PRICKLE2: variants seen among roughly 807,000 people sequenced by gnomAD.
PRICKLE2 encodes the protein prickle-like protein 2.
A neutral mutation model predicts 81.4 loss-of-function variants in PRICKLE2; 21 were observed. The observed-to-expected ratio is 0.26, with a 90% CI of 0.18 to 0.37. PRICKLE2 has a LOEUF of 0.37. Ranked by LOEUF, PRICKLE2 falls within the 10% of genes least tolerant of loss-of-function variation. The pLI, the probability that PRICKLE2 is intolerant of heterozygous loss-of-function variation, is 1.00. For missense variants in PRICKLE2, 940 were observed against 1,109.0 expected (o/e 0.85, Z 2.16); for synonymous variants, 456 against 421.5 (o/e 1.08, Z -1.00).
intron 2 of PRICKLE2, among the ~76,000 whole-genome samples, chr3:64,170,484 G>T (rs73124864): frequency 0.18 from 26,971 of 151,956 alleles, 2,687 homozygotes; most frequent in Non-Finnish European, 0.21. Flanking sequence ...TTTCACCTTT[G>T]TGCCTCTGCA....
At chr3:64,238,748 A>G (rs879865707) in intron 2 of PRICKLE2, among the ~76,000 whole-genome samples, 1 of 152,144 alleles carries the variant, frequency 6.6e-6, no homozygotes, top group Non-Finnish European at 1.5e-5. Flanking sequence ...TCATCTAAGA[A>G]TCTCTGCCAC....
rs1426944729 is a variant in PRICKLE2 at position 64,147,886 on chromosome 3, T to C, written c.788-184A>G. On this transcript the variant is annotated intron_variant, in intron 6 of 7. Coordinates refer to ENST00000638394, the MANE Select transcript of PRICKLE2 (RefSeq NM_198859.4). This position sits in a 1 kb window ranked among gnomAD's most constrained non-coding sequence, Gnocchi z 5.0. ...GTCCTATTACGAGAAGTCCTTGTTG[T>C]ACCAGTATGCGCCTTAACTCATTTG... is the stretch of plus-strand genomic sequence containing the variant. Among the ~76,000 whole-genome samples, 1 of 152,208 alleles carries C rather than the reference T, an allele frequency of 6.6e-6. No homozygotes were observed. Among genetic ancestry groups the C allele is most frequent in the African/African-American group, 2.4e-5 (1 of 41,452 alleles).
At chr3:64,256,847 C>G (rs1575721534) in intron 2 of PRICKLE2, among the ~76,000 whole-genome samples, 1 of 152,268 alleles carries the variant, frequency 6.6e-6, no homozygotes, top group Non-Finnish European at 1.5e-5. Context: ...TGTCTCCCTC[C>G]CTATCCCATC....
chr3:64,190,950 C>A (rs1334570627), intron 2 of PRICKLE2, among the ~76,000 whole-genome samples: 1 of 152,116 alleles, frequency 6.6e-6, no homozygotes, highest in Non-Finnish European at 1.5e-5. Flanking sequence ...AGTACTTCAG[C>A]AGATAATCCC....
rs35195442 is a variant in PRICKLE2 at position 64,098,471 on chromosome 3, GA to G, written c.*579del. On this transcript the variant is annotated 3_prime_UTR_variant, in exon 8 of 8. Transcript: ENST00000638394. ...CACTGACATGTAACAAATTTGTATA[GA>G]AAAAAAAAAAAAAAAAAAAAAGGTG... 48,225 of 79,490 alleles carry G rather than the reference GA, an allele frequency of 0.61. 12,023 individuals are homozygous for G. The highest frequency in any genetic ancestry group is 0.71 in the South Asian group (1,336 of 1,894). The allele number at this position is 79,490 out of a possible 1,614,324, so 4.9% of individuals were successfully genotyped here. A position where few individuals can be genotyped will look rare whatever the true frequency, so the allele number is the denominator to read the frequency against.
chr3:64,121,521 A>T (rs1265643903), intron 7 of PRICKLE2, among the ~76,000 whole-genome samples: 2 of 137,868 alleles, frequency 1.5e-5, no homozygotes, highest in African/African-American at 5.1e-5. Context: ...TGTTCAGCCA[A>T]ACTGGAGCCT....
At chr3:64,151,999 G>C (rs1447598961) in intron 6 of PRICKLE2, among the ~76,000 whole-genome samples, 1 of 152,182 alleles carries the variant, frequency 6.6e-6, no homozygotes, top group Admixed American at 6.5e-5. Flanking sequence ...GGACAAGAAT[G>C]CCCAATGACA....
At chr3:64,179,262 G>A (rs1051092601) in intron 2 of PRICKLE2, among the ~76,000 whole-genome samples, 2 of 151,932 alleles carry the variant, frequency 1.3e-5, no homozygotes, top group African/African-American at 4.8e-5. Flanking sequence ...TTTTAGTAGA[G>A]ATGGGGTTTC....
intron 2 of PRICKLE2, among the ~76,000 whole-genome samples, chr3:64,240,896 A>AG (rs2107170869): frequency 6.6e-6 from 1 of 152,272 alleles, no homozygotes; most frequent in Admixed American, 6.5e-5. Context: ...GGCCAAGAAG[A>AG]GGAAGGGGTG....
intron 7 of PRICKLE2, among the ~76,000 whole-genome samples, chr3:64,145,033 A>AT (rs77446098): frequency 1.3e-5 from 2 of 151,372 alleles, no homozygotes; most frequent in Admixed American, 6.6e-5. Flanking sequence ...ACGTTACTCT[A>AT]TTTTTTCCCA....
At chr3:64,148,452 C>G (rs966558827) in intron 6 of PRICKLE2, among the ~76,000 whole-genome samples, 1 of 152,324 alleles carries the variant, frequency 6.6e-6, no homozygotes, top group Admixed American at 6.5e-5. Context: ...TACAGCATCT[C>G]CAGGACCTGG....
intron 2 of PRICKLE2, among the ~76,000 whole-genome samples, chr3:64,193,300 C>T (rs1559568657): frequency 6.6e-6 from 1 of 152,066 alleles, no homozygotes; most frequent in African/African-American, 2.4e-5. Flanking sequence ...TCATCTGGTA[C>T]TTTTTGGGAT....
chr3:64,175,845 T>C (rs958620686), intron 2 of PRICKLE2, among the ~76,000 whole-genome samples: 7 of 152,356 alleles, frequency 4.6e-5, no homozygotes, highest in African/African-American at 1.7e-4. Flanking sequence ...ATTAGTTTTA[T>C]TATTATTAAA....
intron 7 of PRICKLE2, among the ~76,000 whole-genome samples, chr3:64,126,632 C>T (rs1436434187): frequency 6.6e-6 from 1 of 152,062 alleles, no homozygotes; most frequent in Non-Finnish European, 1.5e-5. Context: ...GGCTGGAGTG[C>T]AGTTGCATGA....
At chr3:64,238,561 G>A (rs1186668717) in intron 2 of PRICKLE2, among the ~76,000 whole-genome samples, 1 of 152,006 alleles carries the variant, frequency 6.6e-6, no homozygotes, top group East Asian at 1.9e-4. Flanking sequence ...CTAACATGTA[G>A]GGGTCTGAAT....
In PRICKLE2 at chr3:64,097,368, C is replaced by G. The variant is rs776515359; in HGVS notation, c.*1683G>C. The G allele has an allele frequency of 6.6e-6, 1 of 152,458 alleles. No individual in the cohort carries two copies. Among genetic ancestry groups the G allele is most frequent in the South Asian group, 2.1e-4 (1 of 4,804 alleles). 9.4% of individuals were successfully genotyped at this position (152,458 alleles called of 1,614,324 possible). A position where few individuals can be genotyped will look rare whatever the true frequency, so the allele number is the denominator to read the frequency against. ...TAACTACTATACTGAAAAGAGATCA[C>G]GCTCACCTCACCATGGCAGATGGCC... is the stretch of plus-strand genomic sequence containing the variant. On this transcript the variant is annotated 3_prime_UTR_variant, in exon 8 of 8. Transcript: ENST00000638394.
rs565680348 is a variant in PRICKLE2 at position 64,120,146 on chromosome 3, A to C, written c.1661-20221T>G. Among the ~76,000 whole-genome samples, 10 of 152,246 alleles carry C rather than the reference A, an allele frequency of 6.6e-5. No homozygotes were observed. The East Asian group carries it at 1.5e-3, about 24-fold the overall frequency. ...GGTGACAGGAGGAATCATACCCCAAACCTCAGCATCACGTACTACACCCAG... is the reference window on the plus strand; with the variant it reads ...GGTGACAGGAGGAATCATACCCCAACCCTCAGCATCACGTACTACACCCAG... On this transcript the variant is annotated intron_variant, in intron 7 of 7. Coordinates refer to ENST00000638394, the MANE Select transcript of PRICKLE2 (RefSeq NM_198859.4).
intron 2 of PRICKLE2, among the ~76,000 whole-genome samples, chr3:64,183,014 A>G (rs2107083728): frequency 6.6e-6 from 1 of 152,338 alleles, no homozygotes; most frequent in Non-Finnish European, 1.5e-5. Context: ...CATCAATTAA[A>G]AGATGGATTA....
At chr3:64,181,373 C>T (rs2078130636) in intron 2 of PRICKLE2, among the ~76,000 whole-genome samples, 1 of 152,136 alleles carries the variant, frequency 6.6e-6, no homozygotes, top group Non-Finnish European at 1.5e-5. Flanking sequence ...GTCCCAACAT[C>T]CAGACTAAAA....
Sources: allele counts gnomAD v4.1 joint callset (sites outside exome capture counted in the v4.1 genomes callset), GRCh38; gene constraint gnomAD v4.1.1; non-coding constraint Gnocchi (gnomAD v3.1); transcripts MANE v1.5; gene names NCBI Gene and HGNC (gene_info 2026-07-23, HGNC 2026-07-21).